MRPL22: variants seen among roughly 807,000 people sequenced by gnomAD.
MRPL22 encodes mitochondrial ribosomal protein L22.
A neutral mutation model predicts 32.4 loss-of-function variants in MRPL22; 27 were observed. The ratio of observed to expected loss-of-function variants is 0.83; its 90% CI spans 0.61 to 1.15. The LOEUF (loss-of-function observed/expected upper bound fraction) is 1.15. Among genes scored for constraint, MRPL22 ranks in the 50% most tolerant of loss-of-function variants. The probability of loss-of-function intolerance (pLI) is 0.00; values close to 1 mark genes in which losing one functional copy is unlikely to be tolerated. For synonymous variants in MRPL22, 86 were observed against 87.3 expected (o/e 0.99, Z 0.08); for missense variants, 239 against 260.2 (o/e 0.92, Z 0.56).
chr5:154,944,702 G>A (rs968707545), intron 2 of MRPL22, among the ~76,000 whole-genome samples: 3 of 152,180 alleles, frequency 2.0e-5, no homozygotes, highest in Non-Finnish European at 4.4e-5. Context: ...CTGCTTATGA[G>A]AAAATAAAGC....
chr5:154,955,089 G>C (rs182646097), intron 3 of MRPL22: 1 of 152,184 alleles, frequency 6.6e-6, no homozygotes, highest in East Asian at 1.9e-4. Flanking sequence ...CACTGCTCCC[G>C]GCCAAGGGTC....
In MRPL22 at chr5:154,957,119, C is replaced by T. The variant is rs898530473; in HGVS notation, c.262-16C>T. ...AACTAATTTATTTTCTTTTGTCTCT[C>T]ACCCTTTAATTCTAGATACGAGGAA... On this transcript the variant is annotated splice_polypyrimidine_tract_variant and intron_variant, in intron 4 of 6. Transcript: ENST00000523037. 6.3e-7 allele frequency: 1 copy of T among 1,598,990 alleles called. No homozygotes were observed. Among genetic ancestry groups the T allele is most frequent in the Admixed American group, 1.7e-5 (1 of 59,228 alleles).
chr5:154,956,301 A>G (rs1330470106), intron 3 of MRPL22, 70 bp from the exon 4 acceptor site: 25 of 1,030,484 alleles, frequency 2.4e-5, no homozygotes, highest in African/African-American at 1.6e-5. Context: ...AAATAACAGT[A>G]TATGTTATTG....
chr5:154,959,814 A>G (rs956062045), intron 5 of MRPL22, among the ~76,000 whole-genome samples, 166 bp from the exon 6 acceptor site: 1 of 152,218 alleles, frequency 6.6e-6, no homozygotes. Flanking sequence ...AAGGCAGGAA[A>G]GCTCCCTTCT....
At chr5:154,963,428 T>A (rs1405863085) in intron 6 of MRPL22, among the ~76,000 whole-genome samples, 1 of 152,238 alleles carries the variant, frequency 6.6e-6, no homozygotes, top group African/African-American at 2.4e-5. Flanking sequence ...TTAAAACATT[T>A]AACACTTGTA....
At chr5:154,945,046 G>A (rs1764471201) in intron 2 of MRPL22, among the ~76,000 whole-genome samples, 1 of 152,154 alleles carries the variant, frequency 6.6e-6, no homozygotes, top group South Asian at 2.1e-4. Flanking sequence ...GGAAACTGTT[G>A]TAAGGTTTTG....
At chr5:154,953,362 G>GAAAA (rs573134537) in intron 3 of MRPL22, among the ~76,000 whole-genome samples, 8 of 69,260 alleles carry the variant, frequency 1.2e-4, no homozygotes, top group Admixed American at 2.2e-4. Context: ...CGTCTCAGGA[G>GAAAA]AAAAAAAAAA....
chr5:154,943,816 C>T (rs1764453337), intron 2 of MRPL22, among the ~76,000 whole-genome samples: 1 of 152,054 alleles, frequency 6.6e-6, no homozygotes, highest in African/African-American at 2.4e-5. Flanking sequence ...CAGGCGTGCA[C>T]TACTACACCT....
chr5:154,960,972 A>G (rs1413548754), intron 6 of MRPL22, among the ~76,000 whole-genome samples: 1 of 152,234 alleles, frequency 6.6e-6, no homozygotes, highest in African/African-American at 2.4e-5. Flanking sequence ...TCTACTCTCC[A>G]GATGGAGGAG....
At chr5:154,946,414 T>C (rs1041589403) in intron 2 of MRPL22, among the ~76,000 whole-genome samples, 2 of 152,110 alleles carry the variant, frequency 1.3e-5, no homozygotes, top group Non-Finnish European at 2.9e-5. Context: ...GAAAAAACTT[T>C]GAAATTGTGT....
At chr5:154,947,923 G>A (rs757120402) in intron 2 of MRPL22, among the ~76,000 whole-genome samples, 3 of 152,304 alleles carry the variant, frequency 2.0e-5, no homozygotes, top group Non-Finnish European at 2.9e-5. Context: ...GAGATAATAA[G>A]ACGAGAAAAC....
At chr5:154,953,362 G>GAAAAAAAAAAAA (rs573134537) in intron 3 of MRPL22, among the ~76,000 whole-genome samples, 1 of 69,236 alleles carries the variant, frequency 1.4e-5, no homozygotes, top group Non-Finnish European at 2.6e-5. Flanking sequence ...CGTCTCAGGA[G>GAAAAAAAAAAAA]AAAAAAAAAA....
intron 3 of MRPL22, among the ~76,000 whole-genome samples, chr5:154,953,681 CTTTTTTTTTTTTTT>C (rs772873962): frequency 9.3e-6 from 1 of 107,098 alleles, no homozygotes; most frequent in Non-Finnish European, 1.9e-5. Context: ...CTAGTAAGAA[CTTTTTTTTTTTTTT>C]TTTTTTTTTG....
intron 2 of MRPL22, among the ~76,000 whole-genome samples, chr5:154,942,885 G>A (rs747594216): frequency 6.6e-6 from 1 of 152,196 alleles, no homozygotes; most frequent in Non-Finnish European, 1.5e-5. Context: ...GTATTAAGAA[G>A]CTCTGAGCAA....
At chr5:154,959,392 G>T (rs959232675) in intron 5 of MRPL22, among the ~76,000 whole-genome samples, 1 of 152,132 alleles carries the variant, frequency 6.6e-6, no homozygotes, top group African/African-American at 2.4e-5. Flanking sequence ...TGCCCAGGCT[G>T]GAGTGCAGTG....
chr5:154,955,654 A>G (rs928106615), intron 3 of MRPL22: 7 of 152,234 alleles, frequency 4.6e-5, no homozygotes, highest in African/African-American at 1.7e-4. Flanking sequence ...ATGAGTGAAA[A>G]GTGCTTTTTG....
chr5:154,967,023 T>C lies in MRPL22; in HGVS notation c.*126T>C, dbSNP rs1764779511. On this transcript the variant is annotated 3_prime_UTR_variant, in exon 7 of 7. Coordinates refer to ENST00000523037, the MANE Select transcript of MRPL22 (RefSeq NM_014180.4). The surrounding 1 kb of genome is among the most constrained non-coding windows in gnomAD (Gnocchi z 4.7). Reference sequence around the variant, plus strand: ...ATTGAAACAGTGTATAACTGCTAGTTGTAAATGAATATTTATAAGGCTTTG... The same window carrying C: ...ATTGAAACAGTGTATAACTGCTAGTCGTAAATGAATATTTATAAGGCTTTG... 1 of 1,012,870 alleles carries C rather than the reference T, an allele frequency of 9.9e-7. No homozygotes were observed. Among genetic ancestry groups the C allele is most frequent in the Non-Finnish European group, 1.4e-6 (1 of 712,126 alleles). 62.7% of individuals were successfully genotyped at this position (1,012,870 alleles called of 1,614,324 possible).
intron 2 of MRPL22, among the ~76,000 whole-genome samples, chr5:154,944,480 C>T (rs1764462668): frequency 6.6e-6 from 1 of 152,172 alleles, no homozygotes; most frequent in African/African-American, 2.4e-5. Context: ...TATTTACACT[C>T]AGTCCTCTTA....
At chr5:154,942,428 A>G (rs1424634115) in intron 2 of MRPL22, among the ~76,000 whole-genome samples, 5 of 152,208 alleles carry the variant, frequency 3.3e-5, no homozygotes, top group Non-Finnish European at 7.3e-5. Flanking sequence ...AGGGGGATAA[A>G]GAGGTGGGCT....
Sources: allele counts gnomAD v4.1 joint callset (sites outside exome capture counted in the v4.1 genomes callset), GRCh38; gene constraint gnomAD v4.1.1; non-coding constraint Gnocchi (gnomAD v3.1); transcripts MANE v1.5; gene names NCBI Gene and HGNC (gene_info 2026-07-23, HGNC 2026-07-21).